RASGEF1C: variants seen among roughly 807,000 people sequenced by gnomAD.
RASGEF1C encodes the protein ras-GEF domain-containing family member 1C.
Under a neutral mutation model 58.1 loss-of-function variants are expected in RASGEF1C, and 27 were observed. The observed-to-expected ratio is 0.46, with a 90% CI of 0.34 to 0.64. The LOEUF is 0.64. Among genes scored for constraint, RASGEF1C ranks in the 30% least tolerant of loss-of-function variants. RASGEF1C has a pLI of 0.01. For missense variants in RASGEF1C, 502 were observed against 605.1 expected, an observed-to-expected ratio of 0.83 and a Z score of 1.79; for synonymous variants, 243 against 246.3, an observed-to-expected ratio of 0.99 and a Z score of 0.13.
chr5:180,189,159 G>A (rs1359787376), intron 1 of RASGEF1C, among the ~76,000 whole-genome samples: 1 of 152,158 alleles, frequency 6.6e-6, no homozygotes, highest in Non-Finnish European at 1.5e-5. Context: ...GCAACAAAAT[G>A]TTGGAAATGG....
At chr5:180,207,632 C>CTGTCCGTCTGTCACT (rs75928125) in intron 1 of RASGEF1C, among the ~76,000 whole-genome samples, 1 of 151,832 alleles carries the variant, frequency 6.6e-6, no homozygotes, top group Non-Finnish European at 1.5e-5. Flanking sequence ...CCTCTCTCGC[C>CTGTCCGTCTGTCACT]TGCCCTCCCT....
At chr5:180,204,486 C>G (rs1756455548) in intron 1 of RASGEF1C, among the ~76,000 whole-genome samples, 1 of 152,192 alleles carries the variant, frequency 6.6e-6, no homozygotes, top group African/African-American at 2.4e-5. Flanking sequence ...GGAAATCCAT[C>G]ACATGACTCA....
intron 1 of RASGEF1C, among the ~76,000 whole-genome samples, chr5:180,205,715 A>ATATTATTATTAT (rs10577396): frequency 2.7e-4 from 39 of 147,152 alleles, no homozygotes; most frequent in African/African-American, 8.5e-4. Flanking sequence ...CATTATTATA[A>ATATTATTATTAT]TATTATTATT....
chr5:180,198,451 A>G lies in RASGEF1C; in HGVS notation c.-7+10577T>C, dbSNP rs1756318738. Among the ~76,000 whole-genome samples the G allele has an allele frequency of 6.6e-6, 1 of 152,182 alleles. No homozygotes were observed. The highest frequency in any genetic ancestry group is 2.1e-4 in the South Asian group (1 of 4,834). On this transcript the variant is annotated intron_variant, in intron 1 of 13. Transcript: ENST00000361132. This position sits in a 1 kb window ranked among gnomAD's most constrained non-coding sequence, Gnocchi z 4.5. ...AGTCTGTTTCTGCTGCTATAACAAA[A>G]TACCTGAGGCTGGATAATTTATAAG...
chr5:180,208,928 T>C (rs907620515), intron 1 of RASGEF1C, 100 bp downstream of exon 1: 1 of 144,696 alleles, frequency 6.9e-6, no homozygotes, highest in African/African-American at 2.5e-5. Context: ...GCCTCCCGCC[T>C]CCCGCCGACC....
intron 1 of RASGEF1C, among the ~76,000 whole-genome samples, chr5:180,192,864 C>G (rs1166289579): frequency 6.6e-6 from 1 of 150,428 alleles, no homozygotes; most frequent in East Asian, 2.0e-4. Flanking sequence ...CCTGCCTCAG[C>G]CTCCCGAGTA....
intron 1 of RASGEF1C, among the ~76,000 whole-genome samples, chr5:180,199,034 C>G (rs1407653392): frequency 6.6e-6 from 1 of 152,084 alleles, no homozygotes; most frequent in Non-Finnish European, 1.5e-5. Context: ...CTACCCAGGC[C>G]CCTAGTGGTC....
intron 6 of RASGEF1C, 143 bp from the exon 7 acceptor site, chr5:180,121,292 T>G: frequency 1.6e-6 from 1 of 623,610 alleles, no homozygotes; most frequent in Non-Finnish European, 2.9e-6. Flanking sequence ...ATTTGGTATG[T>G]ACGCTTTCAG....
intron 1 of RASGEF1C, among the ~76,000 whole-genome samples, chr5:180,187,679 C>A (rs1423402776): frequency 6.6e-6 from 1 of 152,114 alleles, no homozygotes; most frequent in Non-Finnish European, 1.5e-5. Flanking sequence ...TTTTAAGAAG[C>A]AGGCAAAATA....
rs1212969762 is a variant in RASGEF1C at position 180,168,600 on chromosome 5, C to T, written c.-6-30542G>A. Among the ~76,000 whole-genome samples the T allele has an allele frequency of 3.3e-5, 5 of 152,164 alleles. No homozygotes were observed. The highest frequency in any genetic ancestry group is 6.5e-5 in the Admixed American group (1 of 15,278). ...TTGCTGTGCACTTGCCAGGGCTATGCCTGATTCCAGGGCCAAGGTGTGGGG... is the reference window on the plus strand; with the variant it reads ...TTGCTGTGCACTTGCCAGGGCTATGTCTGATTCCAGGGCCAAGGTGTGGGG... On this transcript the variant is annotated intron_variant, in intron 1 of 13. Coordinates refer to ENST00000361132, the MANE Select transcript of RASGEF1C (RefSeq NM_175062.4). This position sits in a 1 kb window ranked among gnomAD's most constrained non-coding sequence, Gnocchi z 6.0.
rs369825038 is a variant in RASGEF1C at position 180,118,727 on chromosome 5, G to T, written c.988-23C>A. The T allele has an allele frequency of 1.9e-5, 30 of 1,614,064 alleles. No individual in the cohort carries two copies. The African/African-American group carries it at 3.6e-4, about 19-fold the overall frequency. ...GTGCTGGAAGGAGACAGGGAGGCAT[G>T]TGGGCAGTTCTGTCCAGGGGATGGC... On this transcript the variant is annotated intron_variant, in intron 9 of 13. Coordinates refer to ENST00000361132, the MANE Select transcript of RASGEF1C (RefSeq NM_175062.4).
In RASGEF1C at chr5:180,168,759, G is replaced by A. The variant is rs1421817078; in HGVS notation, c.-6-30701C>T. Among the ~76,000 whole-genome samples the A allele has an allele frequency of 1.3e-5, 2 of 152,184 alleles. No individual in the cohort carries two copies. The highest frequency in any genetic ancestry group is 6.5e-5 in the Admixed American group (1 of 15,274). Reference sequence around the variant, plus strand: ...ACGCAATGCTCCCATGGGATTACTTGTGGGCTGGGGTATGAGAGAGCAAAG... The same window carrying A: ...ACGCAATGCTCCCATGGGATTACTTATGGGCTGGGGTATGAGAGAGCAAAG... On this transcript the variant is annotated intron_variant, in intron 1 of 13. Coordinates refer to ENST00000361132, the MANE Select transcript of RASGEF1C (RefSeq NM_175062.4). This position sits in a 1 kb window ranked among gnomAD's most constrained non-coding sequence, Gnocchi z 6.0.
rs1765958529 is a variant in RASGEF1C at position 180,111,456 on chromosome 5, C to A, written c.1303+1G>T. On this transcript the variant is annotated splice_donor_variant, in intron 12 of 13. Transcript: ENST00000361132. LOFTEE classifies it high-confidence loss of function. The stretch of plus-strand genomic sequence containing the variant: ...GCAGGAGGGCTGCAGGGCTACCTTA[C>A]CATCCTCACTGAAGATGGGGGCGGT... 6.2e-7 allele frequency: 1 copy of A among 1,614,066 alleles called. No individual in the cohort carries two copies. Among genetic ancestry groups the A allele is most frequent in the African/African-American group, 1.3e-5 (1 of 74,936 alleles).
rs535996742 is a variant in RASGEF1C, at chr5:180,158,738, G to A, written c.-6-20680C>T. The stretch of plus-strand genomic sequence containing the variant: ...TTCACAAGGACGCACCTTGACACGG[G>A]CCTTTCTATGTCCCTCGTGTGGAGC... On this transcript the variant is annotated intron_variant, in intron 1 of 13. Coordinates refer to ENST00000361132, the MANE Select transcript of RASGEF1C (RefSeq NM_175062.4). The surrounding 1 kb of genome is among the most constrained non-coding windows in gnomAD (Gnocchi z 4.0). Among the ~76,000 whole-genome samples the A allele has an allele frequency of 6.6e-6, 1 of 152,264 alleles. No individual in the cohort carries two copies. Among genetic ancestry groups the A allele is most frequent in the South Asian group, 2.1e-4 (1 of 4,826 alleles).
chr5:180,193,229 G>C (rs1756200649), intron 1 of RASGEF1C, among the ~76,000 whole-genome samples: 1 of 127,976 alleles, frequency 7.8e-6, no homozygotes, highest in African/African-American at 2.6e-5. Flanking sequence ...CTAATTTCTT[G>C]TATTTTTAGT....
At chr5:180,194,397 A>G (rs1162072481) in intron 1 of RASGEF1C, among the ~76,000 whole-genome samples, 2 of 152,208 alleles carry the variant, frequency 1.3e-5, no homozygotes, top group African/African-American at 2.4e-5. Context: ...ACATGCAGAC[A>G]CTTTAAGGTC....
chr5:180,185,160 C>CG (rs1756011434), intron 1 of RASGEF1C, among the ~76,000 whole-genome samples: 1 of 151,794 alleles, frequency 6.6e-6, no homozygotes, highest in African/African-American at 2.4e-5. Flanking sequence ...GGTGTAGTGG[C>CG]GGGCACCTGT....
chr5:180,108,757 GC>G (rs1240224426), intron 12 of RASGEF1C, among the ~76,000 whole-genome samples: 3 of 152,198 alleles, frequency 2.0e-5, no homozygotes, highest in Non-Finnish European at 4.4e-5. Context: ...TGCCAGGTGG[GC>G]CCTGCCAGGG....
At chr5:180,138,143 T>G in intron 1 of RASGEF1C, 85 bp from the exon 2 acceptor site, 1 of 803,758 alleles carries the variant, frequency 1.2e-6, no homozygotes, top group Non-Finnish European at 1.9e-6. Flanking sequence ...GTCCCGGGGC[T>G]CCTGGCTGGG....
Sources: allele counts gnomAD v4.1 joint callset (sites outside exome capture counted in the v4.1 genomes callset), GRCh38; gene constraint gnomAD v4.1.1; non-coding constraint Gnocchi (gnomAD v3.1); transcripts MANE v1.5; gene names NCBI Gene and HGNC (gene_info 2026-07-23, HGNC 2026-07-21).